Variants in ARHGEF37 observed in about 807,000 individuals in gnomAD.
ARHGEF37 encodes the protein Rho guanine nucleotide exchange factor (GEF) 37.
ARHGEF37 carries 55 observed loss-of-function variants against 71.1 expected under a neutral mutation model. That is an observed-to-expected ratio of 0.77 (90% CI 0.62 to 0.97). The LOEUF is 0.97. ARHGEF37 is among the 50% of genes least tolerant of loss of function. The pLI is 0.00. For missense variants in ARHGEF37, 765 were observed against 836.8 expected (o/e 0.91, Z 1.06); for synonymous variants, 327 against 350.6 (o/e 0.93, Z 0.75).
chr5:149,594,653 C>T (rs1485518726), intron 1 of ARHGEF37, among the ~76,000 whole-genome samples: 1 of 152,164 alleles, frequency 6.6e-6, no homozygotes, highest in East Asian at 1.9e-4. Context: ...AATAGGTGCT[C>T]ATCTTGCCTC....
At position 149,620,072 on chromosome 5, in the gene ARHGEF37, C is replaced by CA. The variant is rs10716197; in HGVS notation, c.895-267dup. 6.5e-3 allele frequency among the ~76,000 whole-genome samples: 645 copies of CA among 99,644 alleles called. 1 individual carries two copies. The highest frequency in any genetic ancestry group is 0.064 in the Middle Eastern group (9 of 140). The allele number at this position is 99,644 out of a possible 152,430, so 65.4% of individuals were successfully genotyped here. ...TGGGTGACAGAGTGAGACTCTGTCT[C>CA]AAAAAAAAAAAAAAAGAAAAAGAAA... On this transcript the variant is annotated intron_variant, in intron 7 of 12. Transcript: ENST00000333677.
intron 12 of ARHGEF37, among the ~76,000 whole-genome samples, chr5:149,629,709 C>T (rs936053990): frequency 5.9e-5 from 9 of 152,214 alleles, no homozygotes; most frequent in Admixed American, 5.9e-4. Context: ...CAGTCTCAGT[C>T]TTTCTCTGAA....
chr5:149,570,944 T>C (rs1020967727), intron 1 of ARHGEF37, among the ~76,000 whole-genome samples: 10 of 152,156 alleles, frequency 6.6e-5, no homozygotes, highest in Non-Finnish European at 1.5e-4. Flanking sequence ...GATTTTGTTT[T>C]GTTTTTGATT....
intron 3 of ARHGEF37, among the ~76,000 whole-genome samples, chr5:149,607,467 CTCTT>C (rs1763944159): frequency 6.6e-6 from 1 of 152,208 alleles, no homozygotes; most frequent in Admixed American, 6.5e-5. Context: ...CATTTTCTAA[CTCTT>C]TATTTGGCTC....
chr5:149,574,496 C>A (rs78919004), intron 1 of ARHGEF37, among the ~76,000 whole-genome samples: 1 of 152,028 alleles, frequency 6.6e-6, no homozygotes, highest in African/African-American at 2.4e-5. Flanking sequence ...TTGCCTGCCC[C>A]TTGGTTGTGT....
chr5:149,619,406 G>A (rs1469280779), intron 7 of ARHGEF37, among the ~76,000 whole-genome samples: 1 of 152,216 alleles, frequency 6.6e-6, no homozygotes, highest in Non-Finnish European at 1.5e-5. Context: ...GCAATCCAAT[G>A]CAATAGGAGC....
chr5:149,560,775 A>C (rs577327611), intron 1 of ARHGEF37, among the ~76,000 whole-genome samples: 1 of 152,196 alleles, frequency 6.6e-6, no homozygotes, highest in East Asian at 1.9e-4. Flanking sequence ...GAAAAAAAAA[A>C]ATTGTGCCAT....
chr5:149,558,183 TTTC>T (rs1762779098), intron 1 of ARHGEF37, among the ~76,000 whole-genome samples: 1 of 152,136 alleles, frequency 6.6e-6, no homozygotes, highest in South Asian at 2.1e-4. Context: ...TTTTTTCTTC[TTTC>T]TTTCTTTTTT....
rs184471987 is a variant in ARHGEF37, at chr5:149,620,567, C to T, written c.1005+103C>T. The T allele has an allele frequency of 5.7e-3, 4,857 of 847,254 alleles. 17 individuals carry two copies. Among genetic ancestry groups the T allele is most frequent in the Admixed American group, 8.1e-3 (265 of 32,826 alleles). 52.5% of individuals were successfully genotyped at this position (847,254 alleles called of 1,614,324 possible). A position where few individuals can be genotyped will look rare whatever the true frequency, so the allele number is the denominator to read the frequency against. ...CACTTTGGCCAGGCGTGGTGGCTCACGCCTGTAATCCCAGCACTTTGGGAG... is the reference window on the plus strand; with the variant it reads ...CACTTTGGCCAGGCGTGGTGGCTCATGCCTGTAATCCCAGCACTTTGGGAG... On this transcript the variant is annotated intron_variant, in intron 8 of 12. Transcript: ENST00000333677.
chr5:149,592,850 A>T (rs765342583), intron 1 of ARHGEF37, among the ~76,000 whole-genome samples: 5 of 150,892 alleles, frequency 3.3e-5, no homozygotes, highest in Non-Finnish European at 7.4e-5. Context: ...GCTCATCACA[A>T]CCTCCGTCTC....
At chr5:149,574,838 C>G (rs566319671) in intron 1 of ARHGEF37, among the ~76,000 whole-genome samples, 1 of 152,308 alleles carries the variant, frequency 6.6e-6, no homozygotes, top group East Asian at 1.9e-4. Context: ...AAGTTTTACT[C>G]TTACTTTCTC....
intron 12 of ARHGEF37, among the ~76,000 whole-genome samples, chr5:149,630,687 G>A (rs1448252273): frequency 5.3e-5 from 8 of 152,136 alleles, no homozygotes; most frequent in Non-Finnish European, 1.0e-4. Context: ...TACCCCCGCC[G>A]CCCAGCTCCA....
intron 12 of ARHGEF37, among the ~76,000 whole-genome samples, chr5:149,629,315 TTTCCTCAAACTTCTAATCTG>T (rs1276737441): frequency 1.3e-5 from 2 of 152,232 alleles, no homozygotes. Flanking sequence ...TGGTCTTTGC[TTTCCTCAAACTTCTAATCTG>T]AGAGTAGGGA....
chr5:149,614,752 C>T (rs1057017986), intron 4 of ARHGEF37, among the ~76,000 whole-genome samples: 1 of 152,186 alleles, frequency 6.6e-6, no homozygotes, highest in Non-Finnish European at 1.5e-5. Context: ...CTGCCCCCTG[C>T]AGCTTCTGAG....
At chr5:149,563,669 C>G (rs1762864056) in intron 1 of ARHGEF37, among the ~76,000 whole-genome samples, 1 of 152,182 alleles carries the variant, frequency 6.6e-6, no homozygotes, top group Admixed American at 6.5e-5. Context: ...GGGAGACAAG[C>G]TTTCAGCTGA....
chr5:149,606,229 G>A (rs1007236723), intron 3 of ARHGEF37, among the ~76,000 whole-genome samples: 7 of 152,184 alleles, frequency 4.6e-5, no homozygotes, highest in East Asian at 1.9e-4. Flanking sequence ...TAGCCAGGCC[G>A]TCTCTGCAGT....
rs1291923407 is a variant in ARHGEF37 at position 149,624,024 on chromosome 5, C to G, written c.1348C>G (p.His450Asp). 2 of 1,598,974 alleles carry G rather than the reference C, an allele frequency of 1.3e-6. No homozygotes were observed. Among genetic ancestry groups the G allele is most frequent in the African/African-American group, 2.7e-5 (2 of 74,704 alleles). ...EGSMAQLPHH[H>D]VPEPAFRKLV... ...TGTCCCCACTTAGCTGCCCCACCAC[C>G]ACGTCCCAGAGCCTGCCTTCAGGAA... Residue 450 changes from histidine to aspartate, a missense_variant, in exon 10 of 13, where the codon CAC becomes GAC. His to Asp is a moderately conservative substitution (Grantham distance 81, BLOSUM62 -1). Transcript: ENST00000333677.
chr5:149,601,002 C>A, intron 2 of ARHGEF37, 106 bp from the exon 3 acceptor site: 2 of 1,333,958 alleles, frequency 1.5e-6, no homozygotes, highest in Non-Finnish European at 2.1e-6. Flanking sequence ...CCAATCTTCT[C>A]AGGAGTGATG....
chr5:149,612,656 T>A lies in ARHGEF37; in HGVS notation c.458+2961T>A, dbSNP rs1170867786. 2.6e-5 allele frequency among the ~76,000 whole-genome samples: 4 copies of A among 152,230 alleles called. No homozygotes were observed. The East Asian group carries it at 7.7e-4, about 29-fold the overall frequency. ...TCGAGGCCTTTGTTCAGTTTCTGAA[T>A]GTTCAGGGGGACATATGAGACATGG... On this transcript the variant is annotated intron_variant, in intron 4 of 12. Transcript: ENST00000333677.
Sources: gnomAD v4.1 joint callset for allele counts (sites outside exome capture counted in the v4.1 genomes callset) on GRCh38, gnomAD v4.1.1 for gene constraint, MANE v1.5 for transcripts, NCBI Gene and HGNC (gene_info 2026-07-23, HGNC 2026-07-21) for gene names.